PACRG: variants seen among roughly 807,000 people sequenced by gnomAD.
PACRG encodes parkin coregulated.
Under a neutral mutation model 29.7 loss-of-function variants are expected in PACRG, and 29 were observed. That is an observed-to-expected ratio of 0.98 (90% CI 0.73 to 1.33). PACRG has a LOEUF of 1.33. PACRG is among the 40% of genes most tolerant of loss of function. PACRG has a pLI of 0.00. For missense variants in PACRG, 279 were observed against 316.2 expected, an observed-to-expected ratio of 0.88 and a Z score of 0.89; for synonymous variants, 116 against 118.7, an observed-to-expected ratio of 0.98 and a Z score of 0.15.
chr6:163,020,994 T>G (rs1806562442), intron 2 of PACRG, among the ~76,000 whole-genome samples: 1 of 152,170 alleles, frequency 6.6e-6, no homozygotes, highest in African/African-American at 2.4e-5. Flanking sequence ...CTCCTCCTTA[T>G]CTTGCTCTTC....
intron 4 of PACRG, among the ~76,000 whole-genome samples, chr6:163,151,512 G>C (rs1400537156): frequency 6.6e-6 from 1 of 152,108 alleles, no homozygotes; most frequent in East Asian, 1.9e-4. Flanking sequence ...TTTTTCTTTG[G>C]TGTTCCTGCA....
chr6:163,298,205 T>C (rs1784855254), intron 4 of PACRG, among the ~76,000 whole-genome samples: 1 of 151,034 alleles, frequency 6.6e-6, no homozygotes, highest in African/African-American at 2.4e-5. Flanking sequence ...TTATAACCTC[T>C]ACCCAGTAGA....
At chr6:163,133,233 T>C (rs932051432) in intron 4 of PACRG, among the ~76,000 whole-genome samples, 1 of 152,174 alleles carries the variant, frequency 6.6e-6, no homozygotes. Flanking sequence ...ATGTATCACT[T>C]ATACTTCTTC....
intron 2 of PACRG, among the ~76,000 whole-genome samples, chr6:163,001,853 T>C (rs567043972): frequency 6.6e-6 from 1 of 152,298 alleles, no homozygotes; most frequent in East Asian, 1.9e-4. Context: ...AGACAGAACA[T>C]TATTATATAC....
intron 2 of PACRG, among the ~76,000 whole-genome samples, chr6:163,057,765 TC>T (rs1810722951): frequency 6.6e-6 from 1 of 152,346 alleles, no homozygotes; most frequent in Admixed American, 6.5e-5. Context: ...CAAATTCCTC[TC>T]TTCTTGAATT....
chr6:162,942,798 C>T, intron 2 of PACRG, among the ~76,000 whole-genome samples: 1 of 152,102 alleles, frequency 6.6e-6, no homozygotes, highest in East Asian at 1.9e-4. Context: ...ATGGAGGGGG[C>T]TTCAAGATAG....
intron 4 of PACRG, among the ~76,000 whole-genome samples, chr6:163,280,049 G>T (rs1784177421): frequency 6.6e-6 from 1 of 152,166 alleles, no homozygotes; most frequent in South Asian, 2.1e-4. Context: ...GATTGTTTTC[G>T]CTCGGGTCTG....
rs915275113 is a variant in PACRG at position 162,728,170 on chromosome 6, C to T, written c.-66C>T. On this transcript the variant is annotated 5_prime_UTR_variant, in exon 1 of 5. Coordinates refer to ENST00000366888, the MANE Select transcript of PACRG (RefSeq NM_001080379.2). ...GATATTTTTTTCCAGACCTCCTGCT[C>T]ACATCCGTAAAGCCCACTGATTCTT... The T allele has an allele frequency of 4.5e-6, 7 of 1,561,936 alleles. No homozygotes were observed. The highest frequency in any genetic ancestry group is 3.6e-5 in the Admixed American group (2 of 55,422).
At chr6:163,143,416 T>C (rs921089970) in intron 4 of PACRG, among the ~76,000 whole-genome samples, 1 of 152,106 alleles carries the variant, frequency 6.6e-6, no homozygotes, top group Admixed American at 6.6e-5. Flanking sequence ...AATGAAACAA[T>C]ATGTATGCGA....
intron 4 of PACRG, among the ~76,000 whole-genome samples, chr6:163,264,419 C>T (rs1344843452): frequency 3.7e-4 from 57 of 152,232 alleles, no homozygotes; most frequent in Admixed American, 3.7e-3. Flanking sequence ...GGGCTAGTCA[C>T]ACTGTGCTGC....
At chr6:163,216,464 T>A (rs901892683) in intron 4 of PACRG, among the ~76,000 whole-genome samples, 1 of 152,164 alleles carries the variant, frequency 6.6e-6, no homozygotes, top group Non-Finnish European at 1.5e-5. Context: ...GAACACAAAC[T>A]GAAGGCAGGA....
intron 2 of PACRG, among the ~76,000 whole-genome samples, chr6:162,845,604 A>G (rs939991800): frequency 1.3e-5 from 2 of 152,194 alleles, no homozygotes; most frequent in African/African-American, 4.8e-5. Context: ...TGTCTCAAGA[A>G]AATGTTGCTT....
At chr6:163,254,021 G>A (rs777865874) in intron 4 of PACRG, among the ~76,000 whole-genome samples, 2 of 152,190 alleles carry the variant, frequency 1.3e-5, no homozygotes, top group African/African-American at 2.4e-5. Context: ...AGGGACGGGT[G>A]TAGAGCACAG....
intron 2 of PACRG, among the ~76,000 whole-genome samples, chr6:163,035,274 C>A (rs4629663): frequency 0.55 from 83,164 of 151,998 alleles, 24,993 homozygotes; most frequent in East Asian, 0.96. Flanking sequence ...GCACTTTGGG[C>A]GGCTGTGGCA....
chr6:162,760,268 C>T (rs904396084), intron 1 of PACRG, among the ~76,000 whole-genome samples: 1 of 152,202 alleles, frequency 6.6e-6, no homozygotes, highest in South Asian at 2.1e-4. Flanking sequence ...CTGGGATCTA[C>T]ATGGGACATC....
Position 162,975,785 on chromosome 6 carries a change from TC to T in PACRG, c.292-86364del, listed in dbSNP as rs543247406. ...TCCTTCTTCTCTCCCTCCCTTCTTC[TC>T]TCCCTTTTCTCCCTTTTTCCTTCTT... On this transcript the variant is annotated intron_variant, in intron 2 of 4. Transcript: ENST00000366888. Among the ~76,000 whole-genome samples the T allele has an allele frequency of 2.8e-3, 405 of 145,790 alleles. 5 individuals are homozygous for T. Among genetic ancestry groups the T allele is most frequent in the African/African-American group, 9.5e-3 (380 of 40,014 alleles).
At chr6:163,305,870 C>A (rs183962600) in intron 4 of PACRG, among the ~76,000 whole-genome samples, 45 of 152,300 alleles carry the variant, frequency 3.0e-4, no homozygotes, top group African/African-American at 1.1e-3. Flanking sequence ...TCACCTGGAA[C>A]CTCTCTGCTG....
rs112849326 is a variant in PACRG at position 163,090,596 on chromosome 6, A to G, written c.613+1188A>G. Among the ~76,000 whole-genome samples the G allele has an allele frequency of 6.5e-3, 984 of 152,308 alleles. 9 individuals carry two copies. Among genetic ancestry groups the G allele is most frequent in the Non-Finnish European group, 0.01 (701 of 68,016 alleles). On this transcript the variant is annotated intron_variant, in intron 4 of 4. Transcript: ENST00000366888. ...AATGTTTTAGTAACAATATTACTAC[A>G]TTTGGAAAATACTTATTTAAACAGT...
chr6:162,815,669 G>A (rs1787274475), intron 2 of PACRG, among the ~76,000 whole-genome samples: 1 of 151,842 alleles, frequency 6.6e-6, no homozygotes, highest in Non-Finnish European at 1.5e-5. Context: ...AAAATTTATA[G>A]CGTGTATAAC....
Sources: allele counts gnomAD v4.1 joint callset (sites outside exome capture counted in the v4.1 genomes callset), GRCh38; gene constraint gnomAD v4.1.1; transcripts MANE v1.5; gene names NCBI Gene and HGNC (gene_info 2026-07-23, HGNC 2026-07-21).